Variants in CSTPP1 observed in about 807,000 individuals in gnomAD.
CSTPP1 encodes UPF0705 protein C11orf49.
chr11:46,973,352 T>G, the CSTPP1 span, among the ~76,000 whole-genome samples: 1 of 152,184 alleles, frequency 6.6e-6, no homozygotes, highest in Admixed American at 6.5e-5. Flanking sequence ...AATATATGGA[T>G]GCTTTATGTT....
the CSTPP1 span, among the ~76,000 whole-genome samples, chr11:47,035,413 C>T: frequency 8.5e-5 from 13 of 152,174 alleles, no homozygotes; most frequent in Non-Finnish European, 1.3e-4. Context: ...TCACTTTTTA[C>T]TGTGATACAC....
chr11:47,160,950 A>G, the CSTPP1 span: 6 of 740,380 alleles, frequency 8.1e-6, no homozygotes, highest in Non-Finnish European at 1.3e-5. Flanking sequence ...ATCAAGCAAC[A>G]GCGAGCACCT....
At chr11:47,104,008 T>G in the CSTPP1 span, among the ~76,000 whole-genome samples, 1 of 152,168 alleles carries the variant, frequency 6.6e-6, no homozygotes, top group African/African-American at 2.4e-5. Flanking sequence ...AGTCTCTGAC[T>G]CTTCCTTGCT....
At chr11:47,106,243 C>A in the CSTPP1 span, among the ~76,000 whole-genome samples, 1 of 152,184 alleles carries the variant, frequency 6.6e-6, no homozygotes, top group Non-Finnish European at 1.5e-5. Flanking sequence ...AAAGTACTAT[C>A]ATTGTACTTT....
chr11:47,122,384 G>C, the CSTPP1 span, among the ~76,000 whole-genome samples: 1 of 151,758 alleles, frequency 6.6e-6, no homozygotes, highest in East Asian at 1.9e-4. Context: ...AGGTGACTTA[G>C]AGGGGGAAGA....
the CSTPP1 span, among the ~76,000 whole-genome samples, chr11:47,029,798 T>C: frequency 6.7e-6 from 1 of 150,370 alleles, no homozygotes; most frequent in Non-Finnish European, 1.5e-5. Context: ...ATATTTAGGA[T>C]TCCTTGAAAA....
chr11:47,142,672 T>G, the CSTPP1 span, among the ~76,000 whole-genome samples: 1 of 152,128 alleles, frequency 6.6e-6, no homozygotes, highest in Non-Finnish European at 1.5e-5. Flanking sequence ...AAAATGCATC[T>G]TAGCCCCCCG....
At chr11:46,963,168 G>T in the CSTPP1 span, among the ~76,000 whole-genome samples, 3 of 151,956 alleles carry the variant, frequency 2.0e-5, no homozygotes, top group South Asian at 6.2e-4. Flanking sequence ...AGTAGAATTG[G>T]CAAAAGTGGA....
At chr11:46,973,884 A>G in the CSTPP1 span, among the ~76,000 whole-genome samples, 1 of 152,122 alleles carries the variant, frequency 6.6e-6, no homozygotes, top group African/African-American at 2.4e-5. Flanking sequence ...GCTGTGGCAG[A>G]GACTTCAAGT....
chr11:46,978,824 C>T, the CSTPP1 span, among the ~76,000 whole-genome samples: 1 of 152,186 alleles, frequency 6.6e-6, no homozygotes, highest in East Asian at 1.9e-4. Context: ...AGAGAGAGGA[C>T]AGGGAATTCT....
At chr11:46,944,405 A>G in the CSTPP1 span, among the ~76,000 whole-genome samples, 1 of 152,150 alleles carries the variant, frequency 6.6e-6, no homozygotes, top group East Asian at 1.9e-4. Context: ...AATAAATATT[A>G]GCTGCTAGTG....
chr11:47,003,419 C>T, the CSTPP1 span, among the ~76,000 whole-genome samples: 1 of 152,078 alleles, frequency 6.6e-6, no homozygotes, highest in Admixed American at 6.5e-5. Flanking sequence ...GTTCTTCTTC[C>T]CTGAGAAAAG....
the CSTPP1 span, among the ~76,000 whole-genome samples, chr11:47,134,876 C>T: frequency 9.0e-4 from 137 of 152,226 alleles, no homozygotes; most frequent in African/African-American, 3.3e-3. Context: ...CCTGTAATCC[C>T]AACACTTTGG....
chr11:47,005,523 ATTAG>A, the CSTPP1 span, among the ~76,000 whole-genome samples: 1 of 152,202 alleles, frequency 6.6e-6, no homozygotes, highest in Non-Finnish European at 1.5e-5. Flanking sequence ...AATAATGGCT[ATTAG>A]TTAAGTAAAA....
chr11:47,013,599 A>G, the CSTPP1 span, among the ~76,000 whole-genome samples: 1 of 152,188 alleles, frequency 6.6e-6, no homozygotes, highest in South Asian at 2.1e-4. Flanking sequence ...TTATGGCTGC[A>G]TAGTATTCTA....
chr11:46,979,812 C>T, the CSTPP1 span, among the ~76,000 whole-genome samples: 3 of 152,146 alleles, frequency 2.0e-5, no homozygotes, highest in Non-Finnish European at 4.4e-5. Flanking sequence ...ACTCAGGAGG[C>T]TGAGGCAGGA....
the CSTPP1 span, among the ~76,000 whole-genome samples, chr11:47,096,025 A>G: frequency 6.6e-6 from 1 of 152,328 alleles, no homozygotes; most frequent in East Asian, 1.9e-4. Context: ...ACAAGAAACC[A>G]AATAGCCAGT....
chr11:47,157,147 C>G, the CSTPP1 span: 1 of 1,613,416 alleles, frequency 6.2e-7, no homozygotes, highest in Non-Finnish European at 8.5e-7. Flanking sequence ...GCGGGGCCGG[C>G]ACGCTGGAGG....
At chr11:47,146,291 G>C in the CSTPP1 span, among the ~76,000 whole-genome samples, 1 of 151,642 alleles carries the variant, frequency 6.6e-6, no homozygotes, top group African/African-American at 2.4e-5. Flanking sequence ...CTTGAACCCG[G>C]GAGGTGGAGA....
Sources: allele counts gnomAD v4.1 joint callset (sites outside exome capture counted in the v4.1 genomes callset), GRCh38; gene constraint gnomAD v4.1.1; transcripts MANE v1.5; gene names NCBI Gene and HGNC (gene_info 2026-07-23, HGNC 2026-07-21).